The following TAB3 variants were observed in gnomAD, a reference collection of about 807,000 sequenced individuals.
TAB3 encodes the protein TGF-beta activated kinase 1 (MAP3K7) binding protein 3.
In TAB3, 18 loss-of-function variants were observed where a neutral mutation model predicts 48.1. The observed-to-expected ratio is 0.37, with a 90% CI of 0.26 to 0.55. TAB3 has a LOEUF of 0.55. Ranked by LOEUF, TAB3 falls within the 20% of genes least tolerant of loss-of-function variation. The pLI, the probability that TAB3 is intolerant of heterozygous loss-of-function variation, is 0.78. For synonymous variants in TAB3, 185 were observed against 190.2 expected (o/e 0.97, Z 0.22); for missense variants, 414 against 549.8 (o/e 0.75, Z 2.47).
intron 9 of TAB3, among the ~76,000 whole-genome samples, chrX:30,839,736 CAAAA>C (rs1276159747): frequency 1.8e-5 from 2 of 109,078 alleles, no homozygotes; most frequent in Non-Finnish European, 3.8e-5. Context: ...AATGAAAAAA[CAAAA>C]AAGAAATACG....
intron 9 of TAB3, chrX:30,836,021 C>T (rs1255506886): frequency 1.8e-5 from 2 of 111,724 alleles, no homozygotes; most frequent in African/African-American, 3.2e-5. Flanking sequence ...TAGAAAACGC[C>T]GATTTAGTTT....
rs1291717906 is a variant in TAB3, at chrX:30,828,094, G to A, written c.*3333C>T. 8.9e-6 allele frequency: 1 copy of A among 111,941 alleles called. No individual in the cohort carries two copies. Among genetic ancestry groups the A allele is most frequent in the Non-Finnish European group, 1.9e-5 (1 of 53,175 alleles). The allele number at this position is 111,941 out of a possible 1,213,427, so 9.2% of individuals were successfully genotyped here. A position where few individuals can be genotyped will look rare whatever the true frequency, so the allele number is the denominator to read the frequency against. On this transcript the variant is annotated 3_prime_UTR_variant, in exon 11 of 11. Coordinates refer to ENST00000288422, the MANE Select transcript of TAB3 (RefSeq NM_152787.5). ...AAATAATTCAATTTTTAACTATAAA[G>A]GGACATCTTCACATTCCAGGATACA...
chrX:30,878,463 G>A (rs1157361171), intron 1 of TAB3, among the ~76,000 whole-genome samples: 1 of 95,804 alleles, frequency 1.0e-5, no homozygotes, highest in East Asian at 3.2e-4. Flanking sequence ...TCGCACCACT[G>A]CACACTCCAG....
intron 4 of TAB3, among the ~76,000 whole-genome samples, chrX:30,866,004 C>A (rs2147379892): frequency 9.0e-6 from 1 of 111,653 alleles, no homozygotes; most frequent in African/African-American, 3.2e-5. Context: ...CCTAAATAAG[C>A]CTTCTAAATA....
At chrX:30,856,617 G>A (rs1939087372) in intron 5 of TAB3, among the ~76,000 whole-genome samples, 1 of 111,645 alleles carries the variant, frequency 9.0e-6, no homozygotes, top group African/African-American at 3.3e-5. Flanking sequence ...ACACAGATAT[G>A]TACATGCATA....
chrX:30,831,435 A>G lies in TAB3; in HGVS notation c.2131T>C (p.Tyr711His). Residue 711 changes from tyrosine to histidine, a missense_variant, in exon 11 of 11, where the codon TAC (tyrosine) becomes CAC (histidine). By Grantham distance (83) the Tyr-to-His change is moderately conservative (BLOSUM62 2). Transcript: ENST00000288422. ...CGCAGACTTTTCTGAATTCAGGTGT[A>G]CCGTGGCATCTCGCACTGCTCACAG... ...NRCEQCEMPR[Y>H]T The G allele has an allele frequency of 8.3e-7, 1 of 1,209,238 alleles. No homozygotes were observed. Among genetic ancestry groups the G allele is most frequent in the Non-Finnish European group, 1.1e-6 (1 of 894,404 alleles).
intron 5 of TAB3, among the ~76,000 whole-genome samples, chrX:30,855,975 T>C (rs7886894): frequency 0.013 from 1,415 of 111,877 alleles, 17 homozygotes; most frequent in African/African-American, 0.04. Context: ...AATATTTAAA[T>C]TGATAAAAAA....
chrX:30,871,024 A>G (rs1020753509), intron 2 of TAB3, among the ~76,000 whole-genome samples: 2 of 112,631 alleles, frequency 1.8e-5, no homozygotes, highest in Admixed American at 1.9e-4. Context: ...GCACATACCC[A>G]TGCTGGATAC....
rs374855378 is a variant in TAB3, at chrX:30,854,977, T to C, written c.688A>G (p.Ile230Val). The C allele has an allele frequency of 4.1e-6, 5 of 1,209,758 alleles. No individual in the cohort carries two copies. The highest frequency in any genetic ancestry group is 2.3e-4 in the Middle Eastern group (1 of 4,355). ...CTCTGAGATGTCTGTCTAATATAAA[T>C]AGAACCAGGAGACCCATAGAGATTG... is the stretch of plus-strand genomic sequence containing the variant. Reference protein sequence around the residue: ...PSNLYGSPGSIYIRQTSQSSS... With the variant: ...PSNLYGSPGSVYIRQTSQSSS... Residue 230 changes from isoleucine (I) to valine (V), a missense_variant, in exon 6 of 11, where the codon ATT (isoleucine) becomes GTT (valine). Physicochemically the swap from Ile to Val is conservative, Grantham distance 29 (BLOSUM62 3). Transcript: ENST00000288422.
intron 1 of TAB3, among the ~76,000 whole-genome samples, chrX:30,879,373 C>T (rs187575759): frequency 3.9e-3 from 442 of 112,108 alleles, no homozygotes; most frequent in Middle Eastern, 9.2e-3. Context: ...ATCCCACTCA[C>T]GAACAAAGAT....
intron 1 of TAB3, among the ~76,000 whole-genome samples, chrX:30,874,059 C>A (rs1939749463): frequency 9.0e-6 from 1 of 111,466 alleles, no homozygotes; most frequent in East Asian, 2.8e-4. Context: ...ATGGTCCCAG[C>A]TACTCAGGAA....
In TAB3 at chrX:30,854,700, G is replaced by A. The variant is rs1938999452; in HGVS notation, c.965C>T (p.Pro322Leu). Residue 322 changes from proline (P) to leucine (L), a missense_variant, in exon 6 of 11, where the codon CCA becomes CTA. Transcript: ENST00000288422. The part of the protein sequence containing the change: ...QPSQLGHIFM[P>L]PSPSTTPPHP... ...GGGTGGAGTAGTTGAAGGACTAGGT[G>A]GCATAAAGATGTGGCCCAACTGGGA... is the stretch of plus-strand genomic sequence containing the variant. 2 of 1,209,509 alleles carry A rather than the reference G, an allele frequency of 1.7e-6. No homozygotes were observed. Among genetic ancestry groups the A allele is most frequent in the African/African-American group, 3.5e-5 (2 of 56,982 alleles).
chrX:30,841,094 C>CA (rs1335649671), intron 9 of TAB3, among the ~76,000 whole-genome samples: 2 of 112,518 alleles, frequency 1.8e-5, no homozygotes, highest in African/African-American at 3.2e-5. Context: ...ACTCGGCAGT[C>CA]ATCCACTAAG....
intron 1 of TAB3, among the ~76,000 whole-genome samples, chrX:30,881,599 T>A (rs2049684293): frequency 8.9e-6 from 1 of 111,826 alleles, no homozygotes; most frequent in African/African-American, 3.2e-5. Context: ...ATATCTAGAC[T>A]TAGTGACTAG....
At position 30,852,863 on chromosome X, in the gene TAB3, C is replaced by T. The variant is rs757753043; in HGVS notation, c.1625G>A (p.Arg542Gln). The change falls in exon 7 of 11, where the codon CGG becomes CAG. Residue 542 changes from arginine to glutamine, a missense_variant. Arg to Gln is a conservative substitution (Grantham distance 43). Transcript: ENST00000288422. ...QLKLEKEELE[R>Q]LKSEVNGMEH... ...CATACCATTAACTTCAGACTTCAACCGCTCTAGCTCCTCTTTCTCAAGTTT... is the reference window on the plus strand; with the variant it reads ...CATACCATTAACTTCAGACTTCAACTGCTCTAGCTCCTCTTTCTCAAGTTT... The T allele has an allele frequency of 5.8e-6, 7 of 1,209,557 alleles. No homozygotes were observed. The highest frequency in any genetic ancestry group is 5.9e-5 in the East Asian group (2 of 33,789).
chrX:30,834,322 C>G (rs1453788084), intron 9 of TAB3, among the ~76,000 whole-genome samples, 170 bp from the exon 10 acceptor site: 2 of 112,038 alleles, frequency 1.8e-5, no homozygotes, highest in Admixed American at 1.9e-4. Context: ...ACTGCTTTTA[C>G]AACCTATACA....
intron 5 of TAB3, among the ~76,000 whole-genome samples, chrX:30,856,355 T>C (rs981853787): frequency 1.1e-4 from 12 of 112,307 alleles, no homozygotes; most frequent in African/African-American, 3.6e-4. Context: ...CTGAAAGATT[T>C]GAATTGTTTA....
intron 10 of TAB3, among the ~76,000 whole-genome samples, chrX:30,833,169 A>G (rs978378425): frequency 3.7e-5 from 4 of 107,462 alleles, no homozygotes; most frequent in African/African-American, 1.4e-4. Flanking sequence ...ACAGGGTTTC[A>G]CCGTGTTAGC....
At chrX:30,862,112 G>A (rs1168249828) in intron 4 of TAB3, among the ~76,000 whole-genome samples, 2 of 111,985 alleles carry the variant, frequency 1.8e-5, no homozygotes, top group Non-Finnish European at 3.8e-5. Flanking sequence ...TAGGCACATG[G>A]CCTAGCACAG....
Sources: gnomAD v4.1 joint callset for allele counts (sites outside exome capture counted in the v4.1 genomes callset) on GRCh38, gnomAD v4.1.1 for gene constraint, MANE v1.5 for transcripts, NCBI Gene and HGNC (gene_info 2026-07-23, HGNC 2026-07-21) for gene names.